Variants in ASAH2 observed in about 807,000 individuals in gnomAD.
ASAH2 encodes neutral ceramidase.
Under a neutral mutation model 82.9 loss-of-function variants are expected in ASAH2, and 58 were observed. The observed-to-expected ratio is 0.70, with a 90% CI of 0.57 to 0.87. The LOEUF is 0.87. Among genes scored for constraint, ASAH2 ranks in the 40% least tolerant of loss-of-function variants. ASAH2 has a pLI of 0.00. For synonymous variants in ASAH2, 276 were observed against 289.7 expected (o/e 0.95, Z 0.48); for missense variants, 779 against 834.0 (o/e 0.93, Z 0.81).
At chr10:50,235,719 T>C (rs1846143091) in intron 5 of ASAH2, among the ~76,000 whole-genome samples, 169 bp downstream of exon 5, 1 of 152,054 alleles carries the variant, frequency 6.6e-6, no homozygotes, top group Non-Finnish European at 1.5e-5. Flanking sequence ...TAACAGCCCA[T>C]AGCTCAGAAC....
At chr10:50,212,863 C>CTGAG (rs1845495059) in intron 10 of ASAH2, 109 bp downstream of exon 10, 14 of 1,126,500 alleles carry the variant, frequency 1.2e-5, no homozygotes, top group Middle Eastern at 2.0e-4. Flanking sequence ...CCAGCACAAC[C>CTGAG]TGAGCATTTG....
At chr10:50,233,443 A>G (rs1304094231) in intron 6 of ASAH2, among the ~76,000 whole-genome samples, 182 bp from the exon 7 acceptor site, 2 of 152,126 alleles carry the variant, frequency 1.3e-5, no homozygotes, top group African/African-American at 4.8e-5. Flanking sequence ...AGGCTATGCA[A>G]TTGCGATCAA....
At chr10:50,199,770 C>T (rs1488801730) in intron 16 of ASAH2, among the ~76,000 whole-genome samples, 1 of 151,266 alleles carries the variant, frequency 6.6e-6, no homozygotes, top group Non-Finnish European at 1.5e-5. Flanking sequence ...CCTTAGACTC[C>T]TCTCTCCCTC....
At chr10:50,225,961 T>G (rs1481193461) in intron 7 of ASAH2, among the ~76,000 whole-genome samples, 44 of 151,920 alleles carry the variant, frequency 2.9e-4, no homozygotes, top group African/African-American at 1.1e-3. Flanking sequence ...GGTGTGGTAG[T>G]GCGCACCTGT....
At chr10:50,226,115 G>T (rs1406586037) in intron 7 of ASAH2, among the ~76,000 whole-genome samples, 1 of 151,612 alleles carries the variant, frequency 6.6e-6, no homozygotes, top group Non-Finnish European at 1.5e-5. Context: ...TGTTTATCAC[G>T]ATGTATTTTA....
At chr10:50,235,853 GTA>G (rs1846146315) in intron 5 of ASAH2, 33 bp downstream of exon 5, 8 of 1,607,570 alleles carry the variant, frequency 5.0e-6, no homozygotes, top group Non-Finnish European at 1.7e-6. Flanking sequence ...GTAAGCAATG[GTA>G]AAGAACAGCT....
intron 1 of ASAH2, among the ~76,000 whole-genome samples, 192 bp downstream of exon 1, chr10:50,251,203 C>A (rs530187693): frequency 6.6e-6 from 1 of 152,292 alleles, no homozygotes; most frequent in African/African-American, 2.4e-5. Flanking sequence ...AATAGCAAGC[C>A]GTTTGCCACA....
rs185961112 is a variant in ASAH2, at chr10:50,243,599, T to C, written c.361-248A>G. 3.9e-4 allele frequency among the ~76,000 whole-genome samples: 59 copies of C among 152,278 alleles called. 1 individual carries two copies. In the East Asian group the frequency reaches 0.01, roughly 27 times the overall value. ...ATGCAAAGGCAAAGAATCGATCAGG[T>C]TGGCAGAAGCTGTTCCCTGGCTTAT... On this transcript the variant is annotated intron_variant, in intron 3 of 20. Transcript: ENST00000682911.
At chr10:50,208,411 C>G (rs1448962956) in intron 12 of ASAH2, among the ~76,000 whole-genome samples, 2 of 151,728 alleles carry the variant, frequency 1.3e-5, no homozygotes, top group Non-Finnish European at 2.9e-5. Context: ...GAGAAAAATC[C>G]TAAATCATCC....
intron 7 of ASAH2, among the ~76,000 whole-genome samples, chr10:50,226,461 T>A (rs935759816): frequency 3.9e-5 from 6 of 152,114 alleles, no homozygotes; most frequent in Admixed American, 3.3e-4. Flanking sequence ...ACTGTGGAAA[T>A]TTTAGAAAAT....
rs752803685 is a variant in ASAH2 at position 50,248,638 on chromosome 10, G to A, written c.-28C>T. 1 of 1,603,144 alleles carries A rather than the reference G, an allele frequency of 6.2e-7. No individual in the cohort carries two copies. The highest frequency in any genetic ancestry group is 8.5e-7 in the Non-Finnish European group (1 of 1,175,106). ...CTTCTCAGGTACAGCAGAGATGGAAGAAGAAATACTGAAGAGGAAGAAATC... is the reference window on the plus strand; with the variant it reads ...CTTCTCAGGTACAGCAGAGATGGAAAAAGAAATACTGAAGAGGAAGAAATC... On this transcript the variant is annotated 5_prime_UTR_variant, in exon 2 of 21. Coordinates refer to ENST00000682911, the MANE Select transcript of ASAH2 (RefSeq NM_019893.4).
intron 7 of ASAH2, among the ~76,000 whole-genome samples, chr10:50,224,768 A>C (rs369451747): frequency 0.91 from 138,560 of 152,122 alleles, 64,516 homozygotes; most frequent in East Asian, 1. Flanking sequence ...CACTCCCTCA[A>C]AATCATCCTC....
At chr10:50,200,694 C>G (rs1352493711) in intron 16 of ASAH2, among the ~76,000 whole-genome samples, 35 of 152,162 alleles carry the variant, frequency 2.3e-4, no homozygotes, top group African/African-American at 7.9e-4. Context: ...GGGACAGATT[C>G]TTTTCATCAT....
At chr10:50,233,284 A>C (rs1846062530) in intron 6 of ASAH2, 23 bp from the exon 7 acceptor site, 1 of 1,539,088 alleles carries the variant, frequency 6.5e-7, no homozygotes, top group Non-Finnish European at 9.0e-7. Flanking sequence ...ACAGAAAAGC[A>C]CAGTCAGTTC....
chr10:50,240,554 C>G, intron 4 of ASAH2: 3 of 702,266 alleles, frequency 4.3e-6, no homozygotes, highest in Non-Finnish European at 7.8e-6. Flanking sequence ...CCATATCACC[C>G]ACAGAATTAA....
intron 7 of ASAH2, among the ~76,000 whole-genome samples, chr10:50,225,044 G>A (rs1339272081): frequency 5.3e-5 from 8 of 152,170 alleles, no homozygotes; most frequent in African/African-American, 1.4e-4. Flanking sequence ...AGTGATGTAC[G>A]TTCTCAAGGA....
intron 3 of ASAH2, among the ~76,000 whole-genome samples, chr10:50,244,948 G>A (rs573588812): frequency 1.2e-4 from 18 of 151,402 alleles, no homozygotes; most frequent in African/African-American, 4.1e-4. Flanking sequence ...CATTTAAGGT[G>A]CCTGCTCACC....
chr10:50,204,834 A>T, intron 14 of ASAH2, 27 bp downstream of exon 14: 1 of 1,497,982 alleles, frequency 6.7e-7, no homozygotes, highest in South Asian at 1.2e-5. Context: ...ACACATTTTT[A>T]ACTAAGTAAT....
At position 50,236,058 on chromosome 10, in the gene ASAH2, T is replaced by C; in HGVS notation, c.517A>G (p.Asn173Asp). The change falls in exon 5 of 21, where the codon AAC becomes GAC. Residue 173 changes from asparagine (N) to aspartate (D), a missense_variant. By Grantham distance (23) the Asn-to-Asp change is conservative (BLOSUM62 1). This residue lies in a region of ASAH2 where 759 missense variants were observed against 755.2 expected (regional missense o/e 1.00). Transcript: ENST00000682911. ...GAGCCATATTTACTCTGCAGTCTGT[T>C]CAGGACCTTCAAGAAAAAAAGTAAT... Reference protein sequence around the residue: ...VSQRLRLEVLNRLQSKYGSLY... With the variant: ...VSQRLRLEVLDRLQSKYGSLY... 2.5e-6 allele frequency: 4 copies of C among 1,613,096 alleles called. No homozygotes were observed. Among genetic ancestry groups the C allele is most frequent in the Non-Finnish European group, 2.5e-6 (3 of 1,179,252 alleles).
Sources: gnomAD v4.1 joint callset for allele counts (sites outside exome capture counted in the v4.1 genomes callset) on GRCh38, gnomAD v4.1.1 for gene constraint, gnomAD v4.1.1 regional missense constraint, MANE v1.5 for transcripts, NCBI Gene and HGNC (gene_info 2026-07-23, HGNC 2026-07-21) for gene names.